The following GDF1 variants were observed in gnomAD, a reference collection of about 807,000 sequenced individuals.
GDF1 encodes the protein embryonic growth/differentiation factor 1.
In GDF1, 8 loss-of-function variants were observed where a neutral mutation model predicts 7.4. The ratio of observed to expected loss-of-function variants is 1.09; its 90% CI spans 0.64 to 1.96. The LOEUF (loss-of-function observed/expected upper bound fraction) is 1.96. GDF1 is among the 30% of genes most tolerant of loss of function. The pLI is 0.00. For synonymous variants in GDF1, 311 were observed against 276.7 expected, an observed-to-expected ratio of 1.12 and a Z score of -1.23; for missense variants, 574 against 551.5, an observed-to-expected ratio of 1.04 and a Z score of -0.41.
In GDF1 at chr19:18,886,406, G is replaced by A. The variant is rs1238426472; in HGVS notation, c.-913-2139C>T. ...CTACTAAAAATACAAAAAATTAGCC[G>A]GGTGTGGTGGTGGGCGCCTGTGGTC... On this transcript the variant is annotated intron_variant, in intron 2 of 7. Transcript: ENST00000247005. Among the ~76,000 whole-genome samples, 5 of 152,128 alleles carry A rather than the reference G, an allele frequency of 3.3e-5. No individual in the cohort carries two copies. In the South Asian group the frequency reaches 6.2e-4, roughly 19 times the overall value.
At chr19:18,887,485 A>T (rs2056389583) in intron 2 of GDF1, among the ~76,000 whole-genome samples, 1 of 152,170 alleles carries the variant, frequency 6.6e-6, no homozygotes, top group African/African-American at 2.4e-5. Context: ...TTCGCTTTAA[A>T]ATGGTTAATT....
At chr19:18,873,013 G>C (rs1297902374) in intron 6 of GDF1, among the ~76,000 whole-genome samples, 1 of 152,216 alleles carries the variant, frequency 6.6e-6, no homozygotes, top group Non-Finnish European at 1.5e-5. Context: ...AAAAGAGCCA[G>C]AGCGAGTGTG....
At chr19:18,879,563 T>A (rs552843422) in intron 4 of GDF1, among the ~76,000 whole-genome samples, 175 bp from the exon 5 acceptor site, 1 of 106,564 alleles carries the variant, frequency 9.4e-6, no homozygotes. Context: ...CCCGCCCACC[T>A]CGCCAAGGCC....
chr19:18,881,043 C>T (rs918231890), intron 3 of GDF1, among the ~76,000 whole-genome samples: 1 of 151,634 alleles, frequency 6.6e-6, no homozygotes, highest in Admixed American at 6.6e-5. Flanking sequence ...TGACCTCTGA[C>T]CCTCTATGAC....
At chr19:18,873,562 G>A (rs933007240) in intron 6 of GDF1, among the ~76,000 whole-genome samples, 1 of 152,062 alleles carries the variant, frequency 6.6e-6, no homozygotes, top group Non-Finnish European at 1.5e-5. Flanking sequence ...CCGGGGCCAA[G>A]CATGGTGGCT....
chr19:18,889,968 C>T (rs553360524), intron 2 of GDF1, among the ~76,000 whole-genome samples: 1 of 152,342 alleles, frequency 6.6e-6, no homozygotes, highest in South Asian at 2.1e-4. Context: ...CCCCTCCCCT[C>T]AGCTCAATCC....
intron 6 of GDF1, among the ~76,000 whole-genome samples, chr19:18,872,660 C>T (rs988272572): frequency 3.3e-5 from 5 of 152,232 alleles, no homozygotes; most frequent in East Asian, 3.9e-4. Context: ...GGATTACAGG[C>T]GCCTGCCACC....
Position 18,896,086 on chromosome 19 carries a change from C to T in GDF1, c.-1336G>A. ...CGCCGCCGCCATACCGCCCGCTCGC[C>T]CGCCGTGCCCGTCGCCTGCGCCCGC... On this transcript the variant is annotated 5_prime_UTR_variant, in exon 1 of 8. Transcript: ENST00000247005. The surrounding 1 kb of genome is among the most constrained non-coding windows in gnomAD (Gnocchi z 5.9). The T allele has an allele frequency of 5.3e-5, 50 of 940,594 alleles. No individual in the cohort carries two copies. The highest frequency in any genetic ancestry group is 6.3e-5 in the Non-Finnish European group (50 of 791,496). 58.3% of individuals were successfully genotyped at this position (940,594 alleles called of 1,614,324 possible).
rs1188718821 is a variant in GDF1, at chr19:18,869,985, C to G, written c.323G>C (p.Arg108Pro). 5 of 1,588,244 alleles carry G rather than the reference C, an allele frequency of 3.1e-6. No individual in the cohort carries two copies. The highest frequency in any genetic ancestry group is 1.3e-5 in the African/African-American group (1 of 74,268). ...AGNIVRHIPD[R>P]GAPTRASEPA... ...TCCCCAGCGAAAGCCCCACTCACCGCGGTCCGGGATGTGGCGCACGATGTT... is the reference window on the plus strand; with the variant it reads ...TCCCCAGCGAAAGCCCCACTCACCGGGGTCCGGGATGTGGCGCACGATGTT... Residue 108 changes from arginine to proline, a missense_variant and splice_region_variant, in exon 7 of 8, where the codon CGC (arginine) becomes CCC (proline). Physicochemically the swap from Arg to Pro is moderately radical, Grantham distance 103 (BLOSUM62 -2). Transcript: ENST00000247005.
At position 18,868,633 on chromosome 19, in the gene GDF1, A is replaced by ATACTG; in HGVS notation, c.1078_1082dup (p.Glu362SerfsTer25). ...CGCACTCGTCCACCACCATGTCCTC[A>ATACTG]TACTGCCGCAGCACCACGTTGTCGC... is the stretch of plus-strand genomic sequence containing the variant. On this transcript the variant is annotated frameshift_variant, in exon 8 of 8. Transcript: ENST00000247005. LOFTEE classifies it high-confidence loss of function. The ATACTG allele has an allele frequency of 6.4e-7, 1 of 1,573,868 alleles. No individual in the cohort carries two copies. The highest frequency in any genetic ancestry group is 8.6e-7 in the Non-Finnish European group (1 of 1,159,910).
chr19:18,891,090 C>T (rs904624595), intron 2 of GDF1, among the ~76,000 whole-genome samples: 1 of 151,222 alleles, frequency 6.6e-6, no homozygotes, highest in African/African-American at 2.4e-5. Flanking sequence ...TGCCATTGCA[C>T]TCCAGACTGG....
chr19:18,872,895 C>T (rs1376164823), intron 6 of GDF1, among the ~76,000 whole-genome samples: 1 of 152,122 alleles, frequency 6.6e-6, no homozygotes, highest in East Asian at 1.9e-4. Context: ...GTGATCCATC[C>T]GCCTCAGCCT....
In GDF1 at chr19:18,880,365, G is replaced by A. The variant is rs528765980; in HGVS notation, c.-662C>T. 3.2e-6 allele frequency: 5 copies of A among 1,572,922 alleles called. No individual in the cohort carries two copies. In the South Asian group the frequency reaches 5.8e-5, roughly 18 times the overall value. On this transcript the variant is annotated 5_prime_UTR_variant, in exon 4 of 8. Coordinates refer to ENST00000247005, the MANE Select transcript of GDF1 (RefSeq NM_001492.6). ...CCGCGGGACTTGAAGTAAATGTTGAGCTTGGTGAACTCAAGCTGCACGTCA... is the reference window on the plus strand; with the variant it reads ...CCGCGGGACTTGAAGTAAATGTTGAACTTGGTGAACTCAAGCTGCACGTCA...
Position 18,878,283 on chromosome 19 carries a change from C to T in GDF1, c.-313+647G>A, listed in dbSNP as rs2056102042. 3.0e-6 allele frequency: 3 copies of T among 985,904 alleles called. No homozygotes were observed. The highest frequency in any genetic ancestry group is 1.2e-4 in the Admixed American group (2 of 16,262). 61.1% of individuals were successfully genotyped at this position (985,904 alleles called of 1,614,324 possible). ...TTACCCAGTTTGGCCTCCGTTCATC[C>T]CTGGCCCAGACACCCCCTGCCTGCC... On this transcript the variant is annotated intron_variant, in intron 6 of 7. Transcript: ENST00000247005. This position sits in a 1 kb window ranked among gnomAD's most constrained non-coding sequence, Gnocchi z 4.6.
At position 18,883,957 on chromosome 19, in the gene GDF1, C is replaced by T; in HGVS notation, c.-733+130G>A. The stretch of plus-strand genomic sequence containing the variant: ...CTCGTCGGACCCCTGAGCACTCTGA[C>T]CTTGGAACCCTGAGCACTCCGACCT... On this transcript the variant is annotated intron_variant, in intron 3 of 7. Transcript: ENST00000247005. The T allele has an allele frequency of 4.0e-6, 4 of 991,976 alleles. No homozygotes were observed. In the South Asian group the frequency reaches 5.2e-5, roughly 13 times the overall value. 61.4% of individuals were successfully genotyped at this position (991,976 alleles called of 1,614,324 possible). A position where few individuals can be genotyped will look rare whatever the true frequency, so the allele number is the denominator to read the frequency against.
At chr19:18,877,742 G>A (rs2056085489) in intron 6 of GDF1, among the ~76,000 whole-genome samples, 1 of 130,710 alleles carries the variant, frequency 7.7e-6, no homozygotes, top group African/African-American at 3.0e-5. Context: ...GGACGACAGA[G>A]TGAGACCCTG....
In GDF1 at chr19:18,868,679, G is replaced by C; in HGVS notation, c.1037C>G (p.Ser346Cys). The C allele has an allele frequency of 6.4e-7, 1 of 1,571,026 alleles. No homozygotes were observed. Among genetic ancestry groups the C allele is most frequent in the Non-Finnish European group, 8.6e-7 (1 of 1,158,140 alleles). Residue 346 changes from serine (S) to cysteine (C), a missense_variant, in exon 8 of 8, where the codon TCC becomes TGC. Coordinates refer to ENST00000247005, the MANE Select transcript of GDF1 (RefSeq NM_001492.6). Reference sequence around the variant, plus strand: ...GTCGCTGTTGTCAAAGAAGAGCACGGAGATGGGCGACAGGCGCGCGGGCAC... The same window carrying C: ...GTCGCTGTTGTCAAAGAAGAGCACGCAGATGGGCGACAGGCGCGCGGGCAC... ...CCVPARLSPI[S>C]VLFFDNSDNV...
In GDF1 at chr19:18,895,154, G is replaced by T. The variant is rs1249461638; in HGVS notation, c.-1074+670C>A. ...CTCCAAGGGAGCGACCACTGGCGTG[G>T]CCAGAGCACCCAGGCCCTTGCCATC... On this transcript the variant is annotated intron_variant, in intron 1 of 7. Coordinates refer to ENST00000247005, the MANE Select transcript of GDF1 (RefSeq NM_001492.6). The surrounding 1 kb of genome is among the most constrained non-coding windows in gnomAD (Gnocchi z 6.4). Among the ~76,000 whole-genome samples the T allele has an allele frequency of 1.3e-5, 2 of 152,246 alleles. No homozygotes were observed. Among genetic ancestry groups the T allele is most frequent in the Non-Finnish European group, 2.9e-5 (2 of 68,042 alleles).
chr19:18,893,395 C>T, intron 2 of GDF1, 21 bp downstream of exon 2: 1 of 1,589,248 alleles, frequency 6.3e-7, no homozygotes, highest in South Asian at 1.1e-5. Flanking sequence ...GCCCTCCCGG[C>T]CATCCCCTCA....
Sources: allele counts gnomAD v4.1 joint callset (sites outside exome capture counted in the v4.1 genomes callset), GRCh38; gene constraint gnomAD v4.1.1; non-coding constraint Gnocchi (gnomAD v3.1); transcripts MANE v1.5; gene names NCBI Gene and HGNC (gene_info 2026-07-23, HGNC 2026-07-21).